NPSR1: variants seen among roughly 807,000 people sequenced by gnomAD.
NPSR1 encodes the protein neuropeptide S receptor.
NPSR1 carries 48 observed loss-of-function variants against 46.9 expected under a neutral mutation model. The observed-to-expected ratio is 1.02, with a 90% CI of 0.81 to 1.30. The LOEUF is 1.30. NPSR1 is among the 50% of genes most tolerant of loss of function. The pLI, the probability that NPSR1 is intolerant of heterozygous loss-of-function variation, is 0.00. For synonymous variants in NPSR1, 176 were observed against 168.1 expected, an observed-to-expected ratio of 1.05 and a Z score of -0.36; for missense variants, 450 against 449.5, an observed-to-expected ratio of 1.00 and a Z score of -0.01.
chr7:34,819,768 G>T (rs1423443237), intron 4 of NPSR1, among the ~76,000 whole-genome samples: 1 of 152,210 alleles, frequency 6.6e-6, no homozygotes, highest in African/African-American at 2.4e-5. Context: ...TGTGTCCTTT[G>T]CAGGGACATG....
At chr7:34,719,839 T>C (rs779433467) in intron 2 of NPSR1, 1 of 152,138 alleles carries the variant, frequency 6.6e-6, no homozygotes, top group Non-Finnish European at 1.5e-5. Flanking sequence ...AAACTCATTA[T>C]TATGGAAAAC....
chr7:34,700,299 C>G (rs1015877434), intron 2 of NPSR1, among the ~76,000 whole-genome samples: 1 of 152,154 alleles, frequency 6.6e-6, no homozygotes, highest in Non-Finnish European at 1.5e-5. Flanking sequence ...TAGTATAACT[C>G]AGTGCAACGA....
intron 2 of NPSR1, among the ~76,000 whole-genome samples, chr7:34,727,304 G>T (rs1286551392): frequency 6.6e-6 from 1 of 152,072 alleles, no homozygotes. Context: ...TTTATAAACA[G>T]GATCTCCAGG....
chr7:34,782,641 G>T (rs1787279448), intron 3 of NPSR1, among the ~76,000 whole-genome samples: 1 of 152,046 alleles, frequency 6.6e-6, no homozygotes. Context: ...TTTTGGTTTT[G>T]TTGATGTTTA....
chr7:34,677,712 T>G (rs1184602135), intron 1 of NPSR1, among the ~76,000 whole-genome samples: 1 of 152,172 alleles, frequency 6.6e-6, no homozygotes, highest in African/African-American at 2.4e-5. Flanking sequence ...GGGAGGTCAG[T>G]AGAGAAGAGA....
chr7:34,760,104 T>TTA (rs1225146245), intron 2 of NPSR1, among the ~76,000 whole-genome samples: 1 of 152,230 alleles, frequency 6.6e-6, no homozygotes, highest in Non-Finnish European at 1.5e-5. Flanking sequence ...CTGGCATGCA[T>TTA]TATAGCAAAT....
In NPSR1 at chr7:34,810,330, TATTTC is replaced by T. The variant is rs1259511983; in HGVS notation, c.385-1435_385-1431del. 9.8e-5 allele frequency among the ~76,000 whole-genome samples: 15 copies of T among 152,368 alleles called. No individual in the cohort carries two copies. The East Asian group carries it at 2.7e-3, about 27-fold the overall frequency. ...TCCACCTTGATCATCCCTTCAAATATATTTCATTTAATCACATTCTAAATATGCTC... is the reference window on the plus strand; with the variant it reads ...TCCACCTTGATCATCCCTTCAAATATATTTAATCACATTCTAAATATGCTC... On this transcript the variant is annotated intron_variant, in intron 3 of 8. Transcript: ENST00000360581.
At chr7:34,836,436 G>C (rs1173471876) in intron 6 of NPSR1, among the ~76,000 whole-genome samples, 1 of 152,154 alleles carries the variant, frequency 6.6e-6, no homozygotes, top group Non-Finnish European at 1.5e-5. Flanking sequence ...ATGTGATGAA[G>C]TATTTTAAAC....
At chr7:34,796,869 G>T (rs1030006114) in intron 3 of NPSR1, among the ~76,000 whole-genome samples, 8 of 152,116 alleles carry the variant, frequency 5.3e-5, no homozygotes, top group Non-Finnish European at 7.3e-5. Flanking sequence ...ACAAACACCT[G>T]CATACAAACG....
At chr7:34,791,758 G>T (rs777412821) in intron 3 of NPSR1, among the ~76,000 whole-genome samples, 1 of 151,976 alleles carries the variant, frequency 6.6e-6, no homozygotes, top group Non-Finnish European at 1.5e-5. Flanking sequence ...ACTTGAGAAA[G>T]AACAAAGCTC....
At chr7:34,724,770 A>G (rs1264540365) in intron 2 of NPSR1, among the ~76,000 whole-genome samples, 1 of 152,212 alleles carries the variant, frequency 6.6e-6, no homozygotes, top group African/African-American at 2.4e-5. Context: ...GAGTGGTGAT[A>G]TAAGAAAAGT....
chr7:34,725,562 C>G (rs1400267173), intron 2 of NPSR1, among the ~76,000 whole-genome samples: 1 of 152,182 alleles, frequency 6.6e-6, no homozygotes, highest in Admixed American at 6.5e-5. Context: ...AAACACAGCC[C>G]TCATACAGAA....
At chr7:34,690,615 C>T (rs1001048881) in intron 2 of NPSR1, among the ~76,000 whole-genome samples, 2 of 151,974 alleles carry the variant, frequency 1.3e-5, no homozygotes, top group Admixed American at 1.3e-4. Context: ...ATAGGCTAGA[C>T]CAAGTGGAAG....
Position 34,834,469 on chromosome 7 carries a change from C to G in NPSR1, c.757+9C>G. 8 of 1,596,144 alleles carry G rather than the reference C, an allele frequency of 5.0e-6. No homozygotes were observed. Among genetic ancestry groups the G allele is most frequent in the Non-Finnish European group, 6.9e-6 (8 of 1,163,756 alleles). On this transcript the variant is annotated intron_variant, in intron 6 of 8. Transcript: ENST00000360581. ...GATTTCCAACTGCTCAGGTAAGTCTCTACTCTGCATGGCCCAATTCTTGGC... is the reference window on the plus strand; with the variant it reads ...GATTTCCAACTGCTCAGGTAAGTCTGTACTCTGCATGGCCCAATTCTTGGC...
chr7:34,857,143 CAGA>C (rs1791069543), intron 8 of NPSR1, among the ~76,000 whole-genome samples: 2 of 151,654 alleles, frequency 1.3e-5, no homozygotes, highest in East Asian at 3.9e-4. Flanking sequence ...TAATGAAATG[CAGA>C]AATATATCAT....
intron 1 of NPSR1, among the ~76,000 whole-genome samples, chr7:34,666,472 A>G (rs527343443): frequency 6.6e-6 from 1 of 152,260 alleles, no homozygotes; most frequent in Admixed American, 6.5e-5. Context: ...GCGGAAAGAT[A>G]TTGCTGGCAT....
intron 2 of NPSR1, among the ~76,000 whole-genome samples, chr7:34,697,631 A>T (rs865818051): frequency 1.3e-5 from 2 of 151,990 alleles, no homozygotes; most frequent in African/African-American, 4.8e-5. Flanking sequence ...CTATATAAAA[A>T]TTTTTATACT....
intron 2 of NPSR1, among the ~76,000 whole-genome samples, chr7:34,704,703 G>A (rs1485416700): frequency 6.6e-6 from 1 of 152,092 alleles, no homozygotes; most frequent in East Asian, 1.9e-4. Flanking sequence ...TTTGCAAGGG[G>A]GAAAAAAAGG....
chr7:34,729,984 G>C (rs922804861), intron 2 of NPSR1, among the ~76,000 whole-genome samples: 7 of 152,174 alleles, frequency 4.6e-5, no homozygotes, highest in African/African-American at 1.7e-4. Flanking sequence ...ATGTTGGCCA[G>C]GCTAGTCTGG....
Sources: gnomAD v4.1 joint callset for allele counts (sites outside exome capture counted in the v4.1 genomes callset) on GRCh38, gnomAD v4.1.1 for gene constraint, MANE v1.5 for transcripts, NCBI Gene and HGNC (gene_info 2026-07-23, HGNC 2026-07-21) for gene names.